The following GALNT13 variants were observed in gnomAD, a reference collection of about 807,000 sequenced individuals.
GALNT13 encodes the protein UDP-GalNAc:polypeptide N-acetylgalactosaminyltransferase 13.
A neutral mutation model predicts 64.2 loss-of-function variants in GALNT13; 28 were observed. That is an observed-to-expected ratio of 0.44 (90% CI 0.32 to 0.60). The LOEUF (loss-of-function observed/expected upper bound fraction) is 0.60. GALNT13 is among the 20% of genes least tolerant of loss of function. The pLI, the probability that GALNT13 is intolerant of heterozygous loss-of-function variation, is 0.05. For synonymous variants in GALNT13, 214 were observed against 224.6 expected, an observed-to-expected ratio of 0.95 and a Z score of 0.42; for missense variants, 577 against 669.8, an observed-to-expected ratio of 0.86 and a Z score of 1.53.
the GALNT13 span, among the ~76,000 whole-genome samples, chr2:153,639,173 T>C: frequency 6.6e-6 from 1 of 151,822 alleles, no homozygotes; most frequent in African/African-American, 2.4e-5. Context: ...TTTTAATAGA[T>C]GAAGAGAGAA....
At chr2:153,115,991 T>C in the GALNT13 span, among the ~76,000 whole-genome samples, 1 of 152,172 alleles carries the variant, frequency 6.6e-6, no homozygotes, top group Admixed American at 6.5e-5. Context: ...TTTAGACTTA[T>C]TCATTAACAT....
the GALNT13 span, among the ~76,000 whole-genome samples, chr2:153,596,409 A>T: frequency 6.6e-6 from 1 of 152,178 alleles, no homozygotes; most frequent in East Asian, 1.9e-4. Context: ...TGTTTTCTGC[A>T]GCTTCCTTTG....
At chr2:153,457,538 C>T in the GALNT13 span, among the ~76,000 whole-genome samples, 1 of 152,146 alleles carries the variant, frequency 6.6e-6, no homozygotes, top group Non-Finnish European at 1.5e-5. Flanking sequence ...GAACTAGACA[C>T]TTCATCCATA....
the GALNT13 span, among the ~76,000 whole-genome samples, chr2:153,146,722 A>G: frequency 6.6e-6 from 1 of 152,038 alleles, no homozygotes; most frequent in African/African-American, 2.4e-5. Flanking sequence ...CTGGTAGAAA[A>G]GACACTACTA....
At chr2:154,411,504 G>A (rs1435698172) in intron 11 of GALNT13, among the ~76,000 whole-genome samples, 1 of 151,740 alleles carries the variant, frequency 6.6e-6, no homozygotes, top group Non-Finnish European at 1.5e-5. Flanking sequence ...AGGTCTGCAT[G>A]TGTGTCACTA....
chr2:153,512,849 A>C, the GALNT13 span, among the ~76,000 whole-genome samples: 14 of 152,206 alleles, frequency 9.2e-5, no homozygotes, highest in Admixed American at 9.2e-4. Flanking sequence ...AAGAATGAGT[A>C]AAACTGTTTT....
intron 6 of GALNT13, among the ~76,000 whole-genome samples, chr2:154,243,124 T>G (rs1480931861): frequency 1.3e-5 from 2 of 152,336 alleles, no homozygotes; most frequent in South Asian, 2.1e-4. Flanking sequence ...ATTCAAATAA[T>G]AAAAACGTGT....
chr2:154,056,576 T>C (rs1198270849), intron 3 of GALNT13, among the ~76,000 whole-genome samples: 6 of 152,172 alleles, frequency 3.9e-5, no homozygotes, highest in Non-Finnish European at 8.8e-5. Flanking sequence ...CTTAAAGTTT[T>C]TGACAGTAGA....
chr2:154,215,459 A>T lies in GALNT13; in HGVS notation c.312-26571A>T, dbSNP rs546827127. ...GATCTAACCTTTGACCTACCTTTCC[A>T]ACTTTGTCTCTTGGCACTCTCCCTC... is the stretch of plus-strand genomic sequence containing the variant. On this transcript the variant is annotated intron_variant, in intron 4 of 12. Transcript: ENST00000392825. 9.9e-5 allele frequency among the ~76,000 whole-genome samples: 15 copies of T among 152,092 alleles called. No homozygotes were observed. In the East Asian group the frequency reaches 2.9e-3, roughly 30 times the overall value.
chr2:153,992,817 C>G (rs140150417), intron 3 of GALNT13, among the ~76,000 whole-genome samples: 17 of 152,252 alleles, frequency 1.1e-4, no homozygotes, highest in African/African-American at 4.1e-4. Flanking sequence ...GTGAAAAAGT[C>G]GATCTGCTCT....
intron 9 of GALNT13, among the ~76,000 whole-genome samples, chr2:154,391,069 G>T (rs933017963): frequency 6.6e-6 from 1 of 151,950 alleles, no homozygotes; most frequent in African/African-American, 2.4e-5. Context: ...TCTCTTTTAC[G>T]CTCACACTCT....
the GALNT13 span, among the ~76,000 whole-genome samples, chr2:153,842,935 A>G: frequency 6.6e-6 from 1 of 152,186 alleles, no homozygotes; most frequent in Non-Finnish European, 1.5e-5. Context: ...CTGGAGAAAA[A>G]GATAATAGTT....
chr2:153,764,977 T>C, the GALNT13 span, among the ~76,000 whole-genome samples: 1 of 152,220 alleles, frequency 6.6e-6, no homozygotes. Context: ...AGTCAAGAAC[T>C]GAGGTTTGGA....
At chr2:153,533,321 G>A in the GALNT13 span, among the ~76,000 whole-genome samples, 1 of 151,678 alleles carries the variant, frequency 6.6e-6, no homozygotes, top group Non-Finnish European at 1.5e-5. Context: ...GCTTGATCTC[G>A]GCTCACTGTA....
In GALNT13 at chr2:154,298,597, CAATGTATATATT is replaced by C. The variant is rs1693135730; in HGVS notation, c.976-2808_976-2797del. ...AAATTGTATATATAATTTATATATACAATGTATATATTAATTTATATATACATTGTATATATA... is the reference window on the plus strand; with the variant it reads ...AAATTGTATATATAATTTATATATACAATTTATATATACATTGTATATATA... On this transcript the variant is annotated intron_variant, in intron 8 of 12. Coordinates refer to ENST00000392825, the MANE Select transcript of GALNT13 (RefSeq NM_052917.4). 3.9e-4 allele frequency among the ~76,000 whole-genome samples: 5 copies of C among 12,670 alleles called. 1 individual carries two copies. In the South Asian group the frequency reaches 7.6e-3, roughly 19 times the overall value. 8.3% of individuals were successfully genotyped at this position (12,670 alleles called of 152,430 possible).
chr2:153,362,527 G>T, the GALNT13 span, among the ~76,000 whole-genome samples: 2 of 122,652 alleles, frequency 1.6e-5, no homozygotes, highest in Admixed American at 1.8e-4. Context: ...TACGGATGGA[G>T]GAATATTTAC....
chr2:153,184,497 C>T, the GALNT13 span, among the ~76,000 whole-genome samples: 3 of 152,112 alleles, frequency 2.0e-5, no homozygotes, highest in Non-Finnish European at 4.4e-5. Flanking sequence ...GCCAGAACAT[C>T]CAATATTATG....
At chr2:153,781,360 C>T in the GALNT13 span, among the ~76,000 whole-genome samples, 1 of 152,198 alleles carries the variant, frequency 6.6e-6, no homozygotes, top group East Asian at 1.9e-4. Context: ...TCATCCTCAC[C>T]CTGCCATCTT....
At chr2:154,215,049 G>C (rs779576781) in intron 4 of GALNT13, among the ~76,000 whole-genome samples, 1 of 152,284 alleles carries the variant, frequency 6.6e-6, no homozygotes, top group African/African-American at 2.4e-5. Context: ...GTTTCTGGTG[G>C]TTAATTCTGC....
Sources: gnomAD v4.1 joint callset for allele counts (sites outside exome capture counted in the v4.1 genomes callset) on GRCh38, gnomAD v4.1.1 for gene constraint, MANE v1.5 for transcripts, NCBI Gene and HGNC (gene_info 2026-07-23, HGNC 2026-07-21) for gene names.